The following NIPSNAP3B variants were observed in gnomAD, a reference collection of about 807,000 sequenced individuals.
NIPSNAP3B encodes the protein protein NipSnap homolog 3B.
NIPSNAP3B carries 30 observed loss-of-function variants against 31.5 expected under a neutral mutation model. The ratio of observed to expected loss-of-function variants is 0.95; its 90% CI spans 0.71 to 1.29. The LOEUF is 1.29. Among genes scored for constraint, NIPSNAP3B ranks in the 50% most tolerant of loss-of-function variants. The pLI, the probability that NIPSNAP3B is intolerant of heterozygous loss-of-function variation, is 0.00. For synonymous variants in NIPSNAP3B, 106 were observed against 107.9 expected (o/e 0.98, Z 0.11); for missense variants, 269 against 300.7 (o/e 0.89, Z 0.78).
Position 104,772,697 on chromosome 9 carries a change from C to T in NIPSNAP3B, c.581-125C>T, listed in dbSNP as rs1588169462. 4.1e-5 allele frequency: 47 copies of T among 1,135,718 alleles called. No individual in the cohort carries two copies. The East Asian group carries it at 1.2e-3, about 28-fold the overall frequency. 70.4% of individuals were successfully genotyped at this position (1,135,718 alleles called of 1,614,324 possible). On this transcript the variant is annotated intron_variant, in intron 4 of 5. Transcript: ENST00000374762. The stretch of plus-strand genomic sequence containing the variant: ...GATCCCTCTGAAATCTTATAACTAA[C>T]ATATTTAGTTTTACCTTTTGATTTT...
chr9:104,788,745 G>C, the NIPSNAP3B span, among the ~76,000 whole-genome samples: 4 of 152,144 alleles, frequency 2.6e-5, no homozygotes, highest in African/African-American at 9.7e-5. Context: ...TGGCAGGCAG[G>C]GTTCCTGCCT....
In NIPSNAP3B at chr9:104,773,714, C is replaced by A. The variant is rs541802750; in HGVS notation, c.*641C>A. The stretch of plus-strand genomic sequence containing the variant: ...TGTTGGTTTATATGCTGAAATTGTT[C>A]ATTTATAATTAATTTTACTAATTTC... On this transcript the variant is annotated 3_prime_UTR_variant, in exon 6 of 6. Coordinates refer to ENST00000374762, the MANE Select transcript of NIPSNAP3B (RefSeq NM_018376.4). 1.7e-4 allele frequency: 26 copies of A among 152,188 alleles called. 1 individual carries two copies. Among genetic ancestry groups the A allele is most frequent in the South Asian group, 1.7e-3 (8 of 4,824 alleles). 9.4% of individuals were successfully genotyped at this position (152,188 alleles called of 1,614,324 possible).
chr9:104,777,918 C>G (rs571008767), downstream of NIPSNAP3B, among the ~76,000 whole-genome samples: 2 of 152,300 alleles, frequency 1.3e-5, no homozygotes, highest in South Asian at 4.1e-4. Flanking sequence ...GGAAGGTCAC[C>G]AAGGACCTCT....
rs1828294121 is a variant in NIPSNAP3B, at chr9:104,774,592, G to T, written c.*1519G>T. 6.6e-6 allele frequency among the ~76,000 whole-genome samples: 1 copy of T among 152,128 alleles called. No homozygotes were observed. ...CCTTTGAGCCTTACTATATTTAAAG[G>T]GAAGGGGAAGCTGACATTTTTATCT... On this transcript the variant is annotated 3_prime_UTR_variant, in exon 6 of 6. Coordinates refer to ENST00000374762, the MANE Select transcript of NIPSNAP3B (RefSeq NM_018376.4).
At chr9:104,768,775 G>T in intron 2 of NIPSNAP3B, 88 bp from the exon 3 acceptor site, 1 of 1,169,350 alleles carries the variant, frequency 8.6e-7, no homozygotes, top group Non-Finnish European at 1.2e-6. Flanking sequence ...ATATGGCCTT[G>T]CACGTTTGCT....
the NIPSNAP3B span, chr9:104,784,417 G>A: frequency 7.4e-6 from 12 of 1,613,884 alleles, no homozygotes; most frequent in South Asian, 4.4e-5. Context: ...CTTTTAAGTG[G>A]TCATCATCAC....
intron 3 of NIPSNAP3B, among the ~76,000 whole-genome samples, chr9:104,769,654 G>A (rs1436151981): frequency 6.6e-6 from 1 of 152,136 alleles, no homozygotes; most frequent in Admixed American, 6.5e-5. Flanking sequence ...GAAAACAGGT[G>A]TAGGTAGATG....
chr9:104,766,511 A>C lies in NIPSNAP3B; in HGVS notation c.247A>C (p.Lys83Gln). The C allele has an allele frequency of 6.2e-7, 1 of 1,613,556 alleles. No homozygotes were observed. Among genetic ancestry groups the C allele is most frequent in the Non-Finnish European group, 8.5e-7 (1 of 1,179,620 alleles). The change falls in exon 2 of 6, where the codon AAA (lysine) becomes CAA (glutamine). Residue 83 changes from lysine to glutamine, a missense_variant. Transcript: ENST00000374762. Reference sequence around the variant, plus strand: ...TGTAGAATTTGGAGGCAGAACGAATAAAGTGTTTCATATTTGGAAGTATGG... The same window carrying C: ...TGTAGAATTTGGAGGCAGAACGAATCAAGTGTTTCATATTTGGAAGTATGG... ...WSVEFGGRTN[K>Q]VFHIWKYDNF...
chr9:104,788,211 C>T, the NIPSNAP3B span, among the ~76,000 whole-genome samples: 1 of 152,204 alleles, frequency 6.6e-6, no homozygotes, highest in African/African-American at 2.4e-5. Flanking sequence ...AGAAGGGACT[C>T]GTGTGGTGGG....
chr9:104,771,367 C>G (rs935460073), intron 4 of NIPSNAP3B: 5 of 157,034 alleles, frequency 3.2e-5, no homozygotes, highest in Admixed American at 3.1e-4. Context: ...CTCCCTCCTC[C>G]CATCTTCCAT....
the NIPSNAP3B span, among the ~76,000 whole-genome samples, chr9:104,790,659 A>G: frequency 3.9e-5 from 6 of 152,224 alleles, no homozygotes; most frequent in African/African-American, 4.8e-5. Context: ...TACTCTTAAA[A>G]AACAAGCAAA....
In NIPSNAP3B at chr9:104,775,229, T is replaced by C. The variant is rs1392840179; in HGVS notation, c.*2156T>C. ...AAAGAGTAAAATCACCCCATTTTTT[T>C]CCTTTACAATATGACTCAAAAGAGT... On this transcript the variant is annotated 3_prime_UTR_variant, in exon 6 of 6. Coordinates refer to ENST00000374762, the MANE Select transcript of NIPSNAP3B (RefSeq NM_018376.4). Among the ~76,000 whole-genome samples, 1 of 152,096 alleles carries C rather than the reference T, an allele frequency of 6.6e-6. No individual in the cohort carries two copies. Among genetic ancestry groups the C allele is most frequent in the Non-Finnish European group, 1.5e-5 (1 of 68,010 alleles).
At chr9:104,778,451 G>A (rs1828382303), downstream of NIPSNAP3B, among the ~76,000 whole-genome samples, 2 of 151,820 alleles carry the variant, frequency 1.3e-5, no homozygotes, top group Non-Finnish European at 2.9e-5. Flanking sequence ...GGTCGCAAAC[G>A]CCTGACCTCA....
the NIPSNAP3B span, chr9:104,785,696 T>C: frequency 6.2e-7 from 1 of 1,606,822 alleles, no homozygotes; most frequent in African/African-American, 1.3e-5. Context: ...TTTAAAAGAA[T>C]ACTGAACCCT....
the NIPSNAP3B span, chr9:104,787,937 G>A: frequency 1.2e-6 from 2 of 1,614,068 alleles, no homozygotes; most frequent in South Asian, 1.1e-5. Context: ...ACCACAGGAG[G>A]CCCGCCGATC....
chr9:104,788,151 A>G, the NIPSNAP3B span: 1 of 1,354,346 alleles, frequency 7.4e-7, no homozygotes, highest in East Asian at 2.3e-5. Flanking sequence ...ACTGAGTAGG[A>G]CTAGATTCTA....
At chr9:104,788,281 T>C in the NIPSNAP3B span, 1 of 739,282 alleles carries the variant, frequency 1.4e-6, no homozygotes, top group Non-Finnish European at 2.2e-6. Context: ...GTTTCCACCC[T>C]GAAAGCAGAT....
At chr9:104,786,562 T>C in the NIPSNAP3B span, among the ~76,000 whole-genome samples, 1 of 152,148 alleles carries the variant, frequency 6.6e-6, no homozygotes, top group Non-Finnish European at 1.5e-5. Context: ...TGTGAACAAG[T>C]TGGAAATAAT....
At chr9:104,788,703 A>G in the NIPSNAP3B span, 1 of 1,157,096 alleles carries the variant, frequency 8.6e-7, no homozygotes, top group Non-Finnish European at 1.3e-6. Flanking sequence ...TTGAAAGCAC[A>G]GCCTTTCTGC....
Sources: gnomAD v4.1 joint callset for allele counts (sites outside exome capture counted in the v4.1 genomes callset) on GRCh38, gnomAD v4.1.1 for gene constraint, MANE v1.5 for transcripts, NCBI Gene and HGNC (gene_info 2026-07-23, HGNC 2026-07-21) for gene names.